REV3L: variants seen among roughly 807,000 people sequenced by gnomAD.
REV3L encodes REV3 like, DNA directed polymerase zeta catalytic subunit, also known as DNA polymerase zeta catalytic subunit.
REV3L carries 69 observed loss-of-function variants against 299.4 expected under a neutral mutation model. That is an observed-to-expected ratio of 0.23 (90% CI 0.19 to 0.28). The LOEUF (loss-of-function observed/expected upper bound fraction) is 0.28, where lower values mean the gene tolerates loss of function less well. Ranked by LOEUF, REV3L falls within the 10% of genes least tolerant of loss-of-function variation. REV3L has a pLI of 1.00. For missense variants in REV3L, 3,128 were observed against 3,693.8 expected (o/e 0.85, Z 3.97); for synonymous variants, 1,238 against 1,271.4 (o/e 0.97, Z 0.56).
rs879939727 is a variant in REV3L, at chr6:111,471,249, C to CT, written c.139+11500dup. On this transcript the variant is annotated intron_variant, in intron 1 of 31. Transcript: ENST00000368802. ...ACATACTTTCAACATGTTCTATCAC[C>CT]TTTTTTTTTTTAAGGCACTAGTGAT... is the stretch of plus-strand genomic sequence containing the variant. Among the ~76,000 whole-genome samples the CT allele has an allele frequency of 2.8e-3, 405 of 145,982 alleles. 1 individual carries two copies. The highest frequency in any genetic ancestry group is 7.7e-3 in the African/African-American group (308 of 40,086).
chr6:111,338,813 C>A (rs1776200127), intron 21 of REV3L, among the ~76,000 whole-genome samples: 1 of 151,908 alleles, frequency 6.6e-6, no homozygotes. Flanking sequence ...TTTTACTATG[C>A]TACATATAAC....
At chr6:111,465,844 T>C (rs915332648) in intron 1 of REV3L, among the ~76,000 whole-genome samples, 1 of 150,692 alleles carries the variant, frequency 6.6e-6, no homozygotes, top group African/African-American at 2.4e-5. Flanking sequence ...AAACGATTTA[T>C]ACAATATATC....
intron 4 of REV3L, among the ~76,000 whole-genome samples, chr6:111,396,052 G>C (rs1782466168): frequency 6.6e-6 from 1 of 151,658 alleles, no homozygotes; most frequent in Non-Finnish European, 1.5e-5. Context: ...TTTGAGACAG[G>C]GTCTCACTCT....
At chr6:111,378,720 T>C (rs1337760781) in intron 11 of REV3L, among the ~76,000 whole-genome samples, 1 of 152,206 alleles carries the variant, frequency 6.6e-6, no homozygotes, top group African/African-American at 2.4e-5. Context: ...CCATACATGA[T>C]TCCTATTTTG....
chr6:111,395,904 T>C (rs576812763), intron 4 of REV3L, among the ~76,000 whole-genome samples: 5 of 152,328 alleles, frequency 3.3e-5, no homozygotes, highest in African/African-American at 7.2e-5. Context: ...TGAAGGGACA[T>C]TGAATTTTAT....
In REV3L at chr6:111,368,010, G is replaced by A. The variant is rs772053609; in HGVS notation, c.5778C>T (p.Leu1926=). 19 of 1,607,578 alleles carry A rather than the reference G, an allele frequency of 1.2e-5. No homozygotes were observed. Among genetic ancestry groups the A allele is most frequent in the South Asian group, 2.2e-5 (2 of 89,816 alleles). ...PEKPREIGGR[L]LMVETRLAND... is the part of the protein sequence containing the mutation. ...TTGCAAGTCGAGTTTCTACCATGAG[G>A]AGCCGTCCACCAATCTCCCTATAAT... The change falls in exon 14 of 32, where the codon CTC becomes CTT. Residue 1926 remains leucine, a synonymous_variant. Coordinates refer to ENST00000368802, the MANE Select transcript of REV3L (RefSeq NM_001372078.1).
Position 111,375,711 on chromosome 6 carries a change from G to C in REV3L, c.2644C>G (p.Arg882Gly). 1.2e-6 allele frequency: 2 copies of C among 1,613,826 alleles called. No individual in the cohort carries two copies. Among genetic ancestry groups the C allele is most frequent in the Non-Finnish European group, 1.7e-6 (2 of 1,179,814 alleles). Residue 882 changes from arginine (R) to glycine (G), a missense_variant, in exon 13 of 32, where the codon CGT becomes GGT. By Grantham distance (125) the Arg-to-Gly change is moderately radical (BLOSUM62 -2). Transcript: ENST00000368802. ...ALASDLTKTT[R>G]GAFENKTPTD... ...GGTGTTTTATTTTCAAAAGCTCCAC[G>C]AGTGGTTTTAGTTAAATCACTAGCC...
At chr6:111,384,108 T>G (rs867672359) in intron 9 of REV3L, among the ~76,000 whole-genome samples, 1 of 152,156 alleles carries the variant, frequency 6.6e-6, no homozygotes, top group African/African-American at 2.4e-5. Context: ...TAAATCAAAA[T>G]GAATTAAAGA....
At chr6:111,483,560 C>G, upstream of REV3L, 1 of 485,270 alleles carries the variant, frequency 2.1e-6, no homozygotes, top group Non-Finnish European at 4.0e-6. Flanking sequence ...GTTTTGGCGG[C>G]TATGCAGGAT....
chr6:111,363,959 T>C lies in REV3L; in HGVS notation c.6773A>G (p.Asn2258Ser), dbSNP rs748524142. ...TQAKNQFAAV[N>S]TPQKETSQID... ...CTGAGAAGTTTCTTTCTGTGGGGTA[T>C]TTACTGCTGCAAATTGATTCTATAA... Residue 2258 changes from asparagine to serine, a missense_variant, in exon 16 of 32, where the codon AAT becomes AGT. Asn to Ser is a conservative substitution (Grantham distance 46). This residue lies in a region of REV3L where 2,409 missense variants were observed against 2,611.8 expected (regional missense o/e 0.92). Coordinates refer to ENST00000368802, the MANE Select transcript of REV3L (RefSeq NM_001372078.1). 11 of 1,611,238 alleles carry C rather than the reference T, an allele frequency of 6.8e-6. No homozygotes were observed. Among genetic ancestry groups the C allele is most frequent in the Non-Finnish European group, 9.3e-6 (11 of 1,179,096 alleles).
chr6:111,362,076 T>C (rs1255392269), intron 16 of REV3L, among the ~76,000 whole-genome samples: 1 of 152,208 alleles, frequency 6.6e-6, no homozygotes, highest in African/African-American at 2.4e-5. Flanking sequence ...CTTTAATACA[T>C]ATTTTTAAAA....
At chr6:111,315,898 C>T (rs1053062924) in intron 26 of REV3L, among the ~76,000 whole-genome samples, 4 of 152,158 alleles carry the variant, frequency 2.6e-5, no homozygotes, top group Non-Finnish European at 2.9e-5. Context: ...ACCTGGTCTG[C>T]GGAAAAATTG....
Position 111,405,563 on chromosome 6 carries a change from G to A in REV3L, c.472C>T (p.Pro158Ser). The change falls in exon 4 of 32, where the codon CCC (proline) becomes TCC (serine). Residue 158 changes from proline to serine, a missense_variant. Physicochemically the swap from Pro to Ser is moderately conservative, Grantham distance 74 (BLOSUM62 -1). This residue lies in a region of REV3L where 2,409 missense variants were observed against 2,611.8 expected (regional missense o/e 0.92). Transcript: ENST00000368802. ...TCAATGAAGAGCTGTAGGAGGTAGG[G>A]AATATGCGCTTCATGAGGCTGGTAA... ...KFYQPHEAHI[P>S]YLLQLFIDYN... The A allele has an allele frequency of 6.2e-7, 1 of 1,603,746 alleles. No homozygotes were observed. Among genetic ancestry groups the A allele is most frequent in the Non-Finnish European group, 8.5e-7 (1 of 1,174,888 alleles).
rs1273946062 is a variant in REV3L at position 111,313,373 on chromosome 6, A to G, written c.8583T>C (p.Asp2861=). ...DAKGIETVRR[D]SCPAVSKILE... ...TTACCTTAGAAACAGCAGGGCAGGA[A>G]TCTCTTCTGACTGTTTCTATTCCTT... Residue 2861 remains aspartate (D), a synonymous_variant, in exon 28 of 32, where the codon GAT becomes GAC. Transcript: ENST00000368802. 6.2e-7 allele frequency: 1 copy of G among 1,612,004 alleles called. No homozygotes were observed. Among genetic ancestry groups the G allele is most frequent in the African/African-American group, 1.3e-5 (1 of 74,928 alleles).
intron 13 of REV3L, among the ~76,000 whole-genome samples, chr6:111,370,802 C>T (rs1291257477): frequency 6.6e-6 from 1 of 152,124 alleles, no homozygotes; most frequent in Non-Finnish European, 1.5e-5. Flanking sequence ...TACATGGCCT[C>T]CCTCATTATC....
intron 1 of REV3L, among the ~76,000 whole-genome samples, chr6:111,433,191 G>A (rs559724663): frequency 6.6e-6 from 1 of 151,838 alleles, no homozygotes; most frequent in South Asian, 2.1e-4. Flanking sequence ...AAATAGTAGC[G>A]ATCAAATCAG....
intron 4 of REV3L, among the ~76,000 whole-genome samples, chr6:111,396,683 T>C (rs1001576190): frequency 1.3e-5 from 2 of 152,130 alleles, no homozygotes; most frequent in Non-Finnish European, 2.9e-5. Context: ...GTGATTCGTC[T>C]GCTCAGGTTT....
chr6:111,427,861 G>A (rs1786372799), intron 1 of REV3L, among the ~76,000 whole-genome samples: 1 of 152,030 alleles, frequency 6.6e-6, no homozygotes, highest in South Asian at 2.1e-4. Context: ...CCCTAGTCCT[G>A]GAAACTCTGC....
chr6:111,362,415 TTGAATTATAAC>T (rs1562183483), intron 16 of REV3L, among the ~76,000 whole-genome samples: 1 of 152,188 alleles, frequency 6.6e-6, no homozygotes, highest in Non-Finnish European at 1.5e-5. Flanking sequence ...CACTTAAAAA[TTGAATTATAAC>T]TTAAAGGTGG....
Sources: gnomAD v4.1 joint callset for allele counts (sites outside exome capture counted in the v4.1 genomes callset) on GRCh38, gnomAD v4.1.1 for gene constraint, gnomAD v4.1.1 regional missense constraint, MANE v1.5 for transcripts, NCBI Gene and HGNC (gene_info 2026-07-23, HGNC 2026-07-21) for gene names.